Variants in RSPO3 observed in about 807,000 individuals in gnomAD.
RSPO3 encodes R-spondin 3, also known as R-spondin-3.
A neutral mutation model predicts 36.5 loss-of-function variants in RSPO3; 17 were observed. That is an observed-to-expected ratio of 0.47 (90% confidence interval 0.32 to 0.70). The LOEUF (loss-of-function observed/expected upper bound fraction) is 0.70, where lower values mean the gene tolerates loss of function less well. Ranked by LOEUF, RSPO3 falls within the 30% of genes least tolerant of loss-of-function variation. The pLI, the probability that RSPO3 is intolerant of heterozygous loss-of-function variation, is 0.04. For synonymous variants in RSPO3, 108 were observed against 107.0 expected, an observed-to-expected ratio of 1.01 and a Z score of -0.06; for missense variants, 294 against 322.5, an observed-to-expected ratio of 0.91 and a Z score of 0.68.
At chr6:127,140,432 CGA>C (rs987947237) in intron 1 of RSPO3, among the ~76,000 whole-genome samples, 112 of 152,198 alleles carry the variant, frequency 7.4e-4, no homozygotes, top group African/African-American at 2.6e-3. Context: ...AGAGGAGAAA[CGA>C]GATAGTCCCA....
At chr6:127,167,882 T>C (rs981048742) in intron 4 of RSPO3, among the ~76,000 whole-genome samples, 3 of 152,066 alleles carry the variant, frequency 2.0e-5, no homozygotes, top group African/African-American at 7.2e-5. Context: ...GTCCTCATGA[T>C]AGTTTGCTGA....
At chr6:127,120,790 G>T (rs1240808929) in intron 1 of RSPO3, among the ~76,000 whole-genome samples, 3 of 152,262 alleles carry the variant, frequency 2.0e-5, no homozygotes, top group African/African-American at 7.2e-5. Context: ...CACCTAGCAG[G>T]GGGCAGGAGA....
intron 4 of RSPO3, among the ~76,000 whole-genome samples, chr6:127,173,302 A>G (rs1774979736): frequency 6.6e-6 from 1 of 151,852 alleles, no homozygotes; most frequent in Non-Finnish European, 1.5e-5. Flanking sequence ...ACAAATTGCC[A>G]ACATTGTATT....
chr6:127,138,899 C>G (rs1265270339), intron 1 of RSPO3, among the ~76,000 whole-genome samples: 2 of 152,106 alleles, frequency 1.3e-5, no homozygotes, highest in African/African-American at 4.8e-5. Context: ...GGGTTCAAAA[C>G]CAGACTCTAA....
intron 4 of RSPO3, among the ~76,000 whole-genome samples, chr6:127,165,229 AATT>A (rs1774799451): frequency 6.6e-6 from 1 of 152,048 alleles, no homozygotes. Flanking sequence ...CATGAACAAA[AATT>A]ATTGTCTTCA....
intron 4 of RSPO3, 104 bp downstream of exon 4, chr6:127,155,542 A>G: frequency 3.8e-6 from 4 of 1,055,486 alleles, no homozygotes; most frequent in Non-Finnish European, 5.7e-6. Context: ...CATGCCTAAT[A>G]TCCTAAAATG....
At chr6:127,161,985 G>A (rs1363522276) in intron 4 of RSPO3, among the ~76,000 whole-genome samples, 3 of 152,170 alleles carry the variant, frequency 2.0e-5, no homozygotes, top group Non-Finnish European at 4.4e-5. Context: ...AATTAAGGCT[G>A]AGACCTACTG....
At chr6:127,143,168 A>G (rs533325024) in intron 1 of RSPO3, among the ~76,000 whole-genome samples, 44 of 152,278 alleles carry the variant, frequency 2.9e-4, no homozygotes, top group Middle Eastern at 6.8e-3. Context: ...AATCAAAAAC[A>G]CTTTATTGAG....
intron 4 of RSPO3, among the ~76,000 whole-genome samples, chr6:127,161,187 G>A (rs898411569): frequency 6.6e-6 from 1 of 151,924 alleles, no homozygotes; most frequent in African/African-American, 2.4e-5. Context: ...ATTCTTTGTT[G>A]CCTAGGTTTT....
chr6:127,162,955 C>T (rs1048521580), intron 4 of RSPO3, among the ~76,000 whole-genome samples: 4 of 151,968 alleles, frequency 2.6e-5, no homozygotes, highest in African/African-American at 7.3e-5. Context: ...TTTTGTAAGA[C>T]GGCTAAGTAG....
chr6:127,119,230 T>C lies in RSPO3; in HGVS notation c.38T>C (p.Leu13Ser), dbSNP rs755532531. 6.2e-7 allele frequency: 1 copy of C among 1,613,904 alleles called. No homozygotes were observed. The highest frequency in any genetic ancestry group is 1.7e-5 in the Admixed American group (1 of 59,990). The change falls in exon 1 of 5, where the codon TTG becomes TCG. Residue 13 changes from leucine (L) to serine (S), a missense_variant. Coordinates refer to ENST00000356698, the MANE Select transcript of RSPO3 (RefSeq NM_032784.5). ...LRLISWLFIILNFMEYIGSQN... is the reference protein window; with the variant it reads ...LRLISWLFIISNFMEYIGSQN... ...CTGATTTCTTGGCTTTTTATCATTT[T>C]GAACTTTATGGAATACATCGGCAGC... is the stretch of plus-strand genomic sequence containing the variant.
intron 1 of RSPO3, among the ~76,000 whole-genome samples, chr6:127,140,801 T>C (rs556332947): frequency 1.3e-5 from 2 of 152,292 alleles, no homozygotes; most frequent in South Asian, 4.2e-4. Flanking sequence ...GCCTCATTGG[T>C]ACCTGTCATG....
In RSPO3 at chr6:127,195,908, C is replaced by T; in HGVS notation, c.720C>T (p.Ser240=). The T allele has an allele frequency of 6.2e-7, 1 of 1,612,926 alleles. No homozygotes were observed. Among genetic ancestry groups the T allele is most frequent in the Non-Finnish European group, 8.5e-7 (1 of 1,179,362 alleles). ...EAIPDSKSLE[S]SKEIPEQREN... is the part of the protein sequence containing the mutation. The stretch of plus-strand genomic sequence containing the variant: ...TACCTGACAGCAAAAGTCTGGAATC[C>T]AGCAAAGAAATCCCAGAGCAACGAG... The change falls in exon 5 of 5, where the codon TCC becomes TCT. Residue 240 remains serine (S), a synonymous_variant. Coordinates refer to ENST00000356698, the MANE Select transcript of RSPO3 (RefSeq NM_032784.5).
chr6:127,126,406 G>T (rs533264186), intron 1 of RSPO3, among the ~76,000 whole-genome samples: 1 of 152,068 alleles, frequency 6.6e-6, no homozygotes, highest in Admixed American at 6.6e-5. Context: ...TTACATTAAG[G>T]TACCTTGTCT....
intron 1 of RSPO3, 101 bp downstream of exon 1, chr6:127,119,390 C>G (rs1165039495): frequency 2.4e-6 from 2 of 821,508 alleles, no homozygotes; most frequent in Non-Finnish European, 4.1e-6. Context: ...GCGGTCCTCC[C>G]GCCCTGCGCC....
At chr6:127,124,302 C>A (rs2114535910) in intron 1 of RSPO3, among the ~76,000 whole-genome samples, 1 of 152,060 alleles carries the variant, frequency 6.6e-6, no homozygotes, top group South Asian at 2.1e-4. Flanking sequence ...ATCCCCACCC[C>A]AAAAAAATTA....
At chr6:127,186,449 T>G (rs1233707323) in intron 4 of RSPO3, among the ~76,000 whole-genome samples, 1 of 152,116 alleles carries the variant, frequency 6.6e-6, no homozygotes, top group African/African-American at 2.4e-5. Context: ...AGATGGATAA[T>G]ACAGCTGTGG....
chr6:127,155,047 G>C (rs905093974), intron 3 of RSPO3, among the ~76,000 whole-genome samples, 194 bp from the exon 4 acceptor site: 1 of 152,118 alleles, frequency 6.6e-6, no homozygotes, highest in South Asian at 2.1e-4. Context: ...CTGATAATGA[G>C]TACTAAACTG....
At position 127,188,798 on chromosome 6, in the gene RSPO3, G is replaced by A. The variant is rs529346838; in HGVS notation, c.635-7025G>A. Among the ~76,000 whole-genome samples the A allele has an allele frequency of 8.4e-4, 128 of 152,226 alleles. 3 individuals are homozygous for A. The South Asian group carries it at 0.026, about 31-fold the overall frequency. ...TGCCCAGCAAATTCAAATTTCAAGA[G>A]ATTAAGAAAGTACACTCCAAATCTT... On this transcript the variant is annotated intron_variant, in intron 4 of 4. Transcript: ENST00000356698.
Sources: gnomAD v4.1 joint callset for allele counts (sites outside exome capture counted in the v4.1 genomes callset) on GRCh38, gnomAD v4.1.1 for gene constraint, MANE v1.5 for transcripts, NCBI Gene and HGNC (gene_info 2026-07-23, HGNC 2026-07-21) for gene names.